Variants in HPSE2 observed in about 807,000 individuals in gnomAD.
The protein encoded by HPSE2 is heparanase 2 (inactive).
A neutral mutation model predicts 60.5 loss-of-function variants in HPSE2; 38 were observed. The observed-to-expected ratio is 0.63, with a 90% CI of 0.48 to 0.82. The LOEUF is 0.82. Among genes scored for constraint, HPSE2 ranks in the 40% least tolerant of loss-of-function variants. The pLI, the probability that HPSE2 is intolerant of heterozygous loss-of-function variation, is 0.00. For synonymous variants in HPSE2, 295 were observed against 293.2 expected, an observed-to-expected ratio of 1.01 and a Z score of -0.06; for missense variants, 713 against 740.4, an observed-to-expected ratio of 0.96 and a Z score of 0.43.
intron 3 of HPSE2, among the ~76,000 whole-genome samples, chr10:98,765,978 A>C (rs926682413): frequency 6.6e-6 from 1 of 152,146 alleles, no homozygotes; most frequent in Non-Finnish European, 1.5e-5. Flanking sequence ...AAATAAATAA[A>C]AATCAATCAA....
At chr10:98,546,472 C>T (rs1943678733) in intron 9 of HPSE2, among the ~76,000 whole-genome samples, 1 of 150,864 alleles carries the variant, frequency 6.6e-6, no homozygotes, top group Non-Finnish European at 1.5e-5. Flanking sequence ...ATCAATGGAA[C>T]AGAACAGAGC....
chr10:98,805,591 T>C (rs1425940212), intron 3 of HPSE2, among the ~76,000 whole-genome samples: 1 of 151,910 alleles, frequency 6.6e-6, no homozygotes, highest in Non-Finnish European at 1.5e-5. Context: ...AGATGGAAAA[T>C]AGAATTTGCA....
intron 11 of HPSE2, 126 bp downstream of exon 11, chr10:98,482,497 CTGACCCCAGACCG>C: frequency 9.9e-7 from 1 of 1,011,410 alleles, no homozygotes; most frequent in Non-Finnish European, 1.6e-6. Context: ...CAGCAGTCAC[CTGACCCCAGACCG>C]CTCTTTGTCC....
chr10:99,128,907 C>T (rs147716496), intron 3 of HPSE2, among the ~76,000 whole-genome samples: 5 of 152,118 alleles, frequency 3.3e-5, no homozygotes, highest in African/African-American at 1.2e-4. Flanking sequence ...AAGAGACTCA[C>T]CTAACACATA....
At position 99,174,713 on chromosome 10, in the gene HPSE2, C is replaced by T. The variant is rs115187845; in HGVS notation, c.449-30314G>A. 3.9e-3 allele frequency among the ~76,000 whole-genome samples: 592 copies of T among 152,226 alleles called. 4 individuals carry two copies. Among genetic ancestry groups the T allele is most frequent in the African/African-American group, 0.012 (510 of 41,524 alleles). Reference sequence around the variant, plus strand: ...AGCCCTAACCCCCGGTACCTGAGAACATGATTGTATTTGGAGACAGGGCCT... The same window carrying T: ...AGCCCTAACCCCCGGTACCTGAGAATATGATTGTATTTGGAGACAGGGCCT... On this transcript the variant is annotated intron_variant, in intron 2 of 11. Coordinates refer to ENST00000370552, the MANE Select transcript of HPSE2 (RefSeq NM_021828.5).
intron 3 of HPSE2, among the ~76,000 whole-genome samples, chr10:98,872,463 T>C (rs901468253): frequency 1.3e-5 from 2 of 152,124 alleles, no homozygotes; most frequent in East Asian, 3.9e-4. Flanking sequence ...TCTTTTCTAT[T>C]GTCAACTTAA....
At chr10:98,601,813 T>G (rs1326231379) in intron 9 of HPSE2, among the ~76,000 whole-genome samples, 2 of 152,068 alleles carry the variant, frequency 1.3e-5, no homozygotes, top group Non-Finnish European at 2.9e-5. Flanking sequence ...TGGGACTCGG[T>G]GGCCAGGGAA....
chr10:98,788,665 C>T (rs552014896), intron 3 of HPSE2, among the ~76,000 whole-genome samples: 14 of 152,274 alleles, frequency 9.2e-5, no homozygotes, highest in Middle Eastern at 3.4e-3. Flanking sequence ...TTTCTTAAGC[C>T]GGTCTGAAAA....
chr10:99,260,298 G>C, the HPSE2 span, among the ~76,000 whole-genome samples: 1 of 151,288 alleles, frequency 6.6e-6, no homozygotes, highest in South Asian at 2.1e-4. Flanking sequence ...CACAAAGCCT[G>C]TTGGTGGTCT....
chr10:98,990,625 T>A (rs74154360), intron 3 of HPSE2, among the ~76,000 whole-genome samples: 1 of 152,132 alleles, frequency 6.6e-6, no homozygotes, highest in Non-Finnish European at 1.5e-5. Flanking sequence ...AAAGCACTTA[T>A]AATACCATGA....
chr10:98,585,511 C>T (rs11189697), intron 9 of HPSE2, among the ~76,000 whole-genome samples: 83,630 of 150,536 alleles, frequency 0.56, 23,364 homozygotes, highest in Admixed American at 0.6. Flanking sequence ...ACCTTGTGAT[C>T]TGCTCGCCTC....
chr10:99,086,613 A>G (rs2135587194), intron 3 of HPSE2, among the ~76,000 whole-genome samples: 1 of 152,022 alleles, frequency 6.6e-6, no homozygotes, highest in African/African-American at 2.4e-5. Context: ...CGGCCTCCCA[A>G]AGTGCTGGGA....
chr10:98,695,515 T>C (rs925493867), intron 5 of HPSE2, among the ~76,000 whole-genome samples: 1 of 152,140 alleles, frequency 6.6e-6, no homozygotes, highest in Non-Finnish European at 1.5e-5. Context: ...CATTCACATG[T>C]TATTTCTTAT....
At chr10:99,181,354 C>T (rs1327457524) in intron 2 of HPSE2, among the ~76,000 whole-genome samples, 1 of 142,550 alleles carries the variant, frequency 7.0e-6, no homozygotes, top group South Asian at 2.2e-4. Flanking sequence ...GCCGAGATCC[C>T]GCCACTGCAC....
At chr10:98,569,611 T>C (rs1445859109) in intron 9 of HPSE2, among the ~76,000 whole-genome samples, 1 of 152,194 alleles carries the variant, frequency 6.6e-6, no homozygotes, top group Admixed American at 6.5e-5. Flanking sequence ...ATTCAATTTA[T>C]CCTTCTAGAT....
At chr10:99,120,398 G>A (rs2135709307) in intron 3 of HPSE2, among the ~76,000 whole-genome samples, 1 of 151,816 alleles carries the variant, frequency 6.6e-6, no homozygotes, top group East Asian at 1.9e-4. Flanking sequence ...CCATTTCAAA[G>A]ATAATAACAG....
intron 11 of HPSE2, among the ~76,000 whole-genome samples, chr10:98,481,296 A>G (rs1467676449): frequency 6.6e-6 from 1 of 152,186 alleles, no homozygotes; most frequent in African/African-American, 2.4e-5. Context: ...ACCTTACCAC[A>G]TGTACAACAA....
At position 98,683,272 on chromosome 10, in the gene HPSE2, AG is replaced by A. The variant is rs542184379; in HGVS notation, c.1004+10627del. Among the ~76,000 whole-genome samples, 401 of 152,212 alleles carry A rather than the reference AG, an allele frequency of 2.6e-3. 3 individuals are homozygous for A. Among genetic ancestry groups the A allele is most frequent in the African/African-American group, 9.2e-3 (381 of 41,532 alleles). The stretch of plus-strand genomic sequence containing the variant: ...AGGGACCATCAGATATTTGAGGAAA[AG>A]GTTTAAAGTCAAAGCCAGGGAGTAA... On this transcript the variant is annotated intron_variant, in intron 6 of 11. Coordinates refer to ENST00000370552, the MANE Select transcript of HPSE2 (RefSeq NM_021828.5).
At chr10:99,154,109 A>G (rs1266370762) in intron 2 of HPSE2, among the ~76,000 whole-genome samples, 3 of 148,312 alleles carry the variant, frequency 2.0e-5, no homozygotes, top group Admixed American at 1.3e-4. Flanking sequence ...ATGTGAAAAG[A>G]CCAAATCTAC....
Sources: allele counts gnomAD v4.1 joint callset (sites outside exome capture counted in the v4.1 genomes callset), GRCh38; gene constraint gnomAD v4.1.1; transcripts MANE v1.5; gene names NCBI Gene and HGNC (gene_info 2026-07-23, HGNC 2026-07-21).